COG6: variants seen among roughly 807,000 people sequenced by gnomAD.
COG6 encodes component of oligomeric golgi complex 6.
A neutral mutation model predicts 88.8 loss-of-function variants in COG6; 74 were observed. That is an observed-to-expected ratio of 0.83 (90% CI 0.69 to 1.01). COG6 has a LOEUF of 1.01. COG6 is among the 50% of genes least tolerant of loss of function. The pLI is 0.00. For missense variants in COG6, 800 were observed against 797.9 expected (o/e 1.00, Z -0.03); for synonymous variants, 286 against 278.7 (o/e 1.03, Z -0.26).
At chr13:39,788,069 AT>A (rs1881829641) in intron 18 of COG6, among the ~76,000 whole-genome samples, 1 of 152,148 alleles carries the variant, frequency 6.6e-6, no homozygotes, top group Non-Finnish European at 1.5e-5. Flanking sequence ...GAGCAATTAC[AT>A]TTTGGCATGG....
At chr13:39,679,761 TATACTC>T (rs1876198854) in intron 6 of COG6, 141 bp downstream of exon 6, 2 of 735,270 alleles carry the variant, frequency 2.7e-6, no homozygotes, top group Non-Finnish European at 2.5e-6. Flanking sequence ...ATGGTGAAGT[TATACTC>T]TGACAGGTTT....
In COG6 at chr13:39,719,320, G is replaced by T. The variant is rs571537639; in HGVS notation, c.1369G>T (p.Asp457Tyr). ...MLLREVLASHDSSVVPLDARQ... is the reference protein window; with the variant it reads ...MLLREVLASHYSSVVPLDARQ... ...GCTGCGTGAAGTTTTAGCATCTCAC[G>T]ATTCTTCAGTTGTACCATTAGATGC... Residue 457 changes from aspartate to tyrosine, a missense_variant, in exon 14 of 19, where the codon GAT becomes TAT. Asp to Tyr is a radical substitution (Grantham distance 160). Coordinates refer to ENST00000455146, the MANE Select transcript of COG6 (RefSeq NM_020751.3). 1 of 1,612,548 alleles carries T rather than the reference G, an allele frequency of 6.2e-7. No individual in the cohort carries two copies. Among genetic ancestry groups the T allele is most frequent in the Non-Finnish European group, 8.5e-7 (1 of 1,179,144 alleles).
intron 3 of COG6, chr13:39,664,019 T>C (rs1875082641): frequency 6.5e-6 from 1 of 154,742 alleles, no homozygotes; most frequent in African/African-American, 2.4e-5. Context: ...GCTCTGTTAT[T>C]GACAGCATAC....
intron 18 of COG6, among the ~76,000 whole-genome samples, chr13:39,757,926 A>G (rs902903481): frequency 2.0e-5 from 3 of 152,156 alleles, no homozygotes; most frequent in Non-Finnish European, 4.4e-5. Context: ...ATTCAACAAT[A>G]AAAAGACAAC....
At position 39,689,815 on chromosome 13, in the gene COG6, G is replaced by A. The variant is rs750348073; in HGVS notation, c.1065G>A (p.Arg355=). The A allele has an allele frequency of 1.9e-6, 3 of 1,607,504 alleles. No homozygotes were observed. Among genetic ancestry groups the A allele is most frequent in the African/African-American group, 1.3e-5 (1 of 74,774 alleles). The part of the protein sequence containing the change: ...VVGHITEGVC[R]PLKVRIEQVI... Reference sequence around the variant, plus strand: ...GGCATATCACTGAAGGTGTGTGCAGGCCTCTAAAGGTAAAATATTTTGTTT... The same window carrying A: ...GGCATATCACTGAAGGTGTGTGCAGACCTCTAAAGGTAAAATATTTTGTTT... Residue 355 remains arginine, a synonymous_variant, in exon 11 of 19, where the codon AGG becomes AGA. Transcript: ENST00000455146.
chr13:39,787,333 G>T (rs1243755031), intron 18 of COG6, among the ~76,000 whole-genome samples: 4 of 152,118 alleles, frequency 2.6e-5, no homozygotes, highest in Non-Finnish European at 5.9e-5. Flanking sequence ...ACATTTAACT[G>T]CATGCTTTAG....
chr13:39,666,042 C>A (rs1875239566), intron 4 of COG6, among the ~76,000 whole-genome samples: 1 of 152,076 alleles, frequency 6.6e-6, no homozygotes, highest in African/African-American at 2.4e-5. Context: ...ACAACAGAGA[C>A]CATATGTGGC....
intron 17 of COG6, among the ~76,000 whole-genome samples, chr13:39,727,180 T>C (rs555264408): frequency 1.3e-5 from 2 of 152,206 alleles, no homozygotes; most frequent in South Asian, 4.1e-4. Context: ...TGACTTTACT[T>C]CTTGTTAATA....
intron 12 of COG6, among the ~76,000 whole-genome samples, chr13:39,695,908 A>ATTT (rs1877246352): frequency 6.6e-6 from 1 of 152,016 alleles, no homozygotes. Flanking sequence ...GGCAGCTGAA[A>ATTT]GCTAGACATA....
intron 13 of COG6, among the ~76,000 whole-genome samples, chr13:39,700,415 C>T (rs1056881524): frequency 6.6e-6 from 1 of 151,894 alleles, no homozygotes; most frequent in African/African-American, 2.4e-5. Context: ...TAGGAGTCTA[C>T]TTCCTGACCC....
At chr13:39,705,313 G>C (rs150833811) in intron 13 of COG6, among the ~76,000 whole-genome samples, 1 of 152,102 alleles carries the variant, frequency 6.6e-6, no homozygotes, top group Non-Finnish European at 1.5e-5. Flanking sequence ...TTTATCTAGC[G>C]TGAGAAAAAG....
intron 13 of COG6, among the ~76,000 whole-genome samples, chr13:39,707,689 A>G (rs1050431237): frequency 6.6e-6 from 1 of 152,202 alleles, no homozygotes; most frequent in Non-Finnish European, 1.5e-5. Context: ...CCCTGACTTA[A>G]CATATCTGTA....
At chr13:39,658,417 ACAGGTGTAAGCCACCGTGCCATATTTTGG>A (rs2137939587) in intron 1 of COG6, among the ~76,000 whole-genome samples, 1 of 152,238 alleles carries the variant, frequency 6.6e-6, no homozygotes, top group South Asian at 2.1e-4. Flanking sequence ...TGCTGGGATT[ACAGGTGTAAGCCACCGTGCCATATTTTGG>A]AATATCTCTT....
chr13:39,722,762 C>T (rs1484380078), intron 15 of COG6, among the ~76,000 whole-genome samples: 1 of 152,042 alleles, frequency 6.6e-6, no homozygotes, highest in African/African-American at 2.4e-5. Flanking sequence ...CCATACTACT[C>T]ACATCTGTTA....
At chr13:39,722,367 A>G (rs1354207913) in intron 15 of COG6, among the ~76,000 whole-genome samples, 2 of 152,016 alleles carry the variant, frequency 1.3e-5, no homozygotes, top group African/African-American at 4.8e-5. Context: ...CTCAGGAAAG[A>G]AACCATACTT....
At position 39,677,460 on chromosome 13, in the gene COG6, A is replaced by C. The variant is rs1876039717; in HGVS notation, c.429-8A>C. ...CTTGATTTTTATTGCTTGTTTTGAAAATTACAGCCAAAAATTAGAGATAAG... is the reference window on the plus strand; with the variant it reads ...CTTGATTTTTATTGCTTGTTTTGAACATTACAGCCAAAAATTAGAGATAAG... On this transcript the variant is annotated splice_region_variant and splice_polypyrimidine_tract_variant and intron_variant, in intron 4 of 18. Coordinates refer to ENST00000455146, the MANE Select transcript of COG6 (RefSeq NM_020751.3). The C allele has an allele frequency of 6.4e-7, 1 of 1,556,010 alleles. No individual in the cohort carries two copies. The highest frequency in any genetic ancestry group is 1.7e-5 in the Admixed American group (1 of 59,832).
chr13:39,754,935 A>G (rs1880785946), downstream of COG6, among the ~76,000 whole-genome samples: 1 of 152,190 alleles, frequency 6.6e-6, no homozygotes, highest in African/African-American at 2.4e-5. Flanking sequence ...ACAGAAAACA[A>G]AGTTTCAAAC....
At position 39,687,602 on chromosome 13, in the gene COG6, A is replaced by G; in HGVS notation, c.888A>G (p.Pro296=). The change falls in exon 9 of 19, where the codon CCA becomes CCG. Residue 296 remains proline, a synonymous_variant. Transcript: ENST00000455146. ...TRGGPGGTPR[P]IEMHSHDPLR... is the part of the protein sequence containing the mutation. ...GGGGCCCCGGAGGTACACCTAGACC[A>G]ATTGAAATGCATTCTCATGACCCTT... 1 of 1,613,960 alleles carries G rather than the reference A, an allele frequency of 6.2e-7. No individual in the cohort carries two copies. The highest frequency in any genetic ancestry group is 1.1e-5 in the South Asian group (1 of 91,046).
intron 13 of COG6, among the ~76,000 whole-genome samples, chr13:39,708,787 C>G (rs951654928): frequency 6.6e-6 from 1 of 152,150 alleles, no homozygotes; most frequent in Non-Finnish European, 1.5e-5. Context: ...CATCTTTGTC[C>G]TTAGCTACAT....
Sources: allele counts gnomAD v4.1 joint callset (sites outside exome capture counted in the v4.1 genomes callset), GRCh38; gene constraint gnomAD v4.1.1; transcripts MANE v1.5; gene names NCBI Gene and HGNC (gene_info 2026-07-23, HGNC 2026-07-21).